The following COPZ2 variants were observed in gnomAD, a reference collection of about 807,000 sequenced individuals.
COPZ2 encodes the protein coatomer subunit zeta-2.
Under a neutral mutation model 33.2 loss-of-function variants are expected in COPZ2, and 30 were observed. That is an observed-to-expected ratio of 0.90 (90% confidence interval 0.68 to 1.23). The LOEUF (loss-of-function observed/expected upper bound fraction) is 1.23, where lower values mean the gene tolerates loss of function less well. Among genes scored for constraint, COPZ2 ranks in the 50% most tolerant of loss-of-function variants. The pLI, the probability that COPZ2 is intolerant of heterozygous loss-of-function variation, is 0.00. For missense variants in COPZ2, 263 were observed against 262.4 expected, an observed-to-expected ratio of 1.00 and a Z score of -0.02; for synonymous variants, 89 against 102.6, an observed-to-expected ratio of 0.87 and a Z score of 0.80.
intron 6 of COPZ2, 78 bp downstream of exon 6, chr17:48,032,078 C>T (rs2144301637): frequency 1.7e-6 from 2 of 1,189,726 alleles, no homozygotes; most frequent in Non-Finnish European, 1.2e-6. Flanking sequence ...AGAGTTCTAG[C>T]CATGCTGGGT....
chr17:48,026,540 G>T, intron 8 of COPZ2, 65 bp from the exon 9 acceptor site: 1 of 1,243,326 alleles, frequency 8.0e-7, no homozygotes, highest in Non-Finnish European at 1.2e-6. Context: ...ACACAGTCAT[G>T]GGGAGGTCCA....
At chr17:48,032,628 C>A in intron 5 of COPZ2, 58 bp downstream of exon 5, 2 of 1,327,104 alleles carry the variant, frequency 1.5e-6, no homozygotes, top group South Asian at 2.5e-5. Context: ...GAGGAAGGGT[C>A]CTGTGACATA....
chr17:48,039,936 A>G (rs1212134707), upstream of COPZ2, among the ~76,000 whole-genome samples: 1 of 152,084 alleles, frequency 6.6e-6, no homozygotes, highest in Admixed American at 6.6e-5. Context: ...CCTGGCCAAC[A>G]TGGTGAAACC....
At chr17:48,033,998 C>A in intron 2 of COPZ2, 54 bp from the exon 3 acceptor site, 1 of 1,314,892 alleles carries the variant, frequency 7.6e-7, no homozygotes, top group South Asian at 1.3e-5. Context: ...CCTGGATCCT[C>A]CCTAGATTGG....
chr17:48,046,377 C>G, the COPZ2 span: 1 of 152,378 alleles, frequency 6.6e-6, no homozygotes, highest in African/African-American at 2.4e-5. Context: ...TAGCTCACTG[C>G]AGCCTCAATC....
At chr17:48,045,760 T>C in the COPZ2 span, 1 of 151,810 alleles carries the variant, frequency 6.6e-6, no homozygotes, top group African/African-American at 2.4e-5. Context: ...CCGGGACTGA[T>C]GACACATCAG....
In COPZ2 at chr17:48,026,581, C is replaced by T. The variant is rs2036820535; in HGVS notation, c.586-106G>A. On this transcript the variant is annotated intron_variant, in intron 8 of 8. Transcript: ENST00000621465. Reference sequence around the variant, plus strand: ...CACCTTGCCGAAGCGCCCCTGCAACCACCGGTCACTAGGTGGCAGCAGCTT... The same window carrying T: ...CACCTTGCCGAAGCGCCCCTGCAACTACCGGTCACTAGGTGGCAGCAGCTT... 4.7e-5 allele frequency: 36 copies of T among 761,846 alleles called. No individual in the cohort carries two copies. In the South Asian group the frequency reaches 5.4e-4, roughly 11 times the overall value. The allele number at this position is 761,846 out of a possible 1,614,324, so 47.2% of individuals were successfully genotyped here. A position where few individuals can be genotyped will look rare whatever the true frequency, so the allele number is the denominator to read the frequency against.
chr17:48,033,116 G>T, intron 4 of COPZ2, 95 bp downstream of exon 4: 1 of 859,618 alleles, frequency 1.2e-6, no homozygotes, highest in Admixed American at 2.0e-5. Context: ...GGGTCCAATG[G>T]TGAGCCTCCA....
At chr17:48,032,277 G>A (rs2036906168) in intron 5 of COPZ2, 44 bp from the exon 6 acceptor site, 1 of 1,544,092 alleles carries the variant, frequency 6.5e-7, no homozygotes, top group Non-Finnish European at 8.9e-7. Flanking sequence ...TGGCTGGGAG[G>A]AACTGAGTCC....
At chr17:48,035,785 C>T (rs1238536429) in intron 2 of COPZ2, among the ~76,000 whole-genome samples, 2 of 144,878 alleles carry the variant, frequency 1.4e-5, no homozygotes, top group East Asian at 2.0e-4. Context: ...CAGAGTTTCG[C>T]TCTTGTTGCC....
upstream of COPZ2, among the ~76,000 whole-genome samples, chr17:48,038,603 C>G (rs2037028504): frequency 6.6e-6 from 1 of 152,208 alleles, no homozygotes; most frequent in South Asian, 2.1e-4. Flanking sequence ...TAGCCCACAC[C>G]TGTAAGATAG....
In COPZ2 at chr17:48,026,403, G is replaced by C; in HGVS notation, c.*25C>G. 6.3e-7 allele frequency: 1 copy of C among 1,596,268 alleles called. No individual in the cohort carries two copies. Among genetic ancestry groups the C allele is most frequent in the Admixed American group, 1.7e-5 (1 of 59,920 alleles). On this transcript the variant is annotated 3_prime_UTR_variant, in exon 9 of 9. Transcript: ENST00000621465. ...CAGGATTGGGGAAATGATCTGGGGG[G>C]CAGGGAGCCTTGAATCCACAGCCTT...
At chr17:48,033,804 G>A in intron 3 of COPZ2, 59 bp downstream of exon 3, 1 of 1,311,776 alleles carries the variant, frequency 7.6e-7, no homozygotes, top group Non-Finnish European at 1.1e-6. Flanking sequence ...GATGTGTCCA[G>A]ATGGAGAAGA....
chr17:48,035,061 C>T (rs1165319360), intron 2 of COPZ2, among the ~76,000 whole-genome samples: 5 of 152,312 alleles, frequency 3.3e-5, no homozygotes, highest in Admixed American at 2.0e-4. Context: ...CCACTAAGGA[C>T]GGTCTGACTG....
At chr17:48,032,652 G>A (rs1195160303) in intron 5 of COPZ2, 34 bp downstream of exon 5, 3 of 1,540,124 alleles carry the variant, frequency 1.9e-6, no homozygotes, top group South Asian at 1.2e-5. Flanking sequence ...GGGCCAGGGG[G>A]ATGGGGCCTC....
chr17:48,026,563 C>A, intron 8 of COPZ2, 88 bp from the exon 9 acceptor site: 1 of 926,002 alleles, frequency 1.1e-6, no homozygotes. Flanking sequence ...GCCCACCTTG[C>A]CGAAGCGCCC....
Position 48,028,629 on chromosome 17 carries a change from G to A in COPZ2, c.547-119C>T. 1.2e-6 allele frequency: 1 copy of A among 863,838 alleles called. No individual in the cohort carries two copies. 53.5% of individuals were successfully genotyped at this position (863,838 alleles called of 1,614,324 possible). On this transcript the variant is annotated intron_variant, in intron 7 of 8. Transcript: ENST00000621465. This position sits in a 1 kb window ranked among gnomAD's most constrained non-coding sequence, Gnocchi z 4.5. ...GTGGTGCAGTGGTTAGGGTGATTCA[G>A]AGCTGCACCTGTGTCACTGGTTAAT...
rs948096315 is a variant in COPZ2, at chr17:48,029,989, A to T, written c.495-813T>A. On this transcript the variant is annotated intron_variant, in intron 6 of 8. Transcript: ENST00000621465. ...TCTAAAAAAAAAAAATTTTTTTTTTAAATCTTCCCTTTTAGGCCAGGCACA... is the reference window on the plus strand; with the variant it reads ...TCTAAAAAAAAAAAATTTTTTTTTTTAATCTTCCCTTTTAGGCCAGGCACA... 5.5e-4 allele frequency among the ~76,000 whole-genome samples: 82 copies of T among 149,296 alleles called. 2 individuals carry two copies. Among genetic ancestry groups the T allele is most frequent in the Non-Finnish European group, 3.4e-4 (23 of 67,352 alleles).
rs976379474 is a variant in COPZ2 at position 48,026,216 on chromosome 17, C to T, written c.*212G>A. On this transcript the variant is annotated 3_prime_UTR_variant, in exon 9 of 9. Transcript: ENST00000621465. Reference sequence around the variant, plus strand: ...ATTAGGGCCCTGGGGCCAGGAATGCCTAAGATATGAGTTAAGGCCAGGGCC... The same window carrying T: ...ATTAGGGCCCTGGGGCCAGGAATGCTTAAGATATGAGTTAAGGCCAGGGCC... The T allele has an allele frequency of 1.8e-6, 1 of 551,030 alleles. No individual in the cohort carries two copies. The highest frequency in any genetic ancestry group is 3.2e-6 in the Non-Finnish European group (1 of 310,434). The allele number at this position is 551,030 out of a possible 1,614,324, so 34.1% of individuals were successfully genotyped here.
Sources: allele counts gnomAD v4.1 joint callset (sites outside exome capture counted in the v4.1 genomes callset), GRCh38; gene constraint gnomAD v4.1.1; non-coding constraint Gnocchi (gnomAD v3.1); transcripts MANE v1.5; gene names NCBI Gene and HGNC (gene_info 2026-07-23, HGNC 2026-07-21).